DNAH17: variants seen among roughly 807,000 people sequenced by gnomAD.
DNAH17 encodes the protein dynein axonemal heavy chain 17.
DNAH17 carries 376 observed loss-of-function variants against 485.6 expected under a neutral mutation model. The observed-to-expected ratio is 0.77, with a 90% CI of 0.71 to 0.84. DNAH17 has a LOEUF of 0.84. Ranked by LOEUF, DNAH17 falls within the 40% of genes least tolerant of loss-of-function variation. The pLI is 0.00. For synonymous variants in DNAH17, 3,031 were observed against 2,405.9 expected (o/e 1.26, Z -7.60); for missense variants, 6,370 against 5,839.3 (o/e 1.09, Z -2.96).
chr17:78,570,494 G>T, intron 6 of DNAH17, 122 bp from the exon 7 acceptor site: 2 of 1,315,936 alleles, frequency 1.5e-6, no homozygotes, highest in Non-Finnish European at 2.0e-6. Flanking sequence ...CCAAAGAGGA[G>T]GGGAGAGGCA....
At chr17:78,476,069 A>C (rs1208006248) in intron 52 of DNAH17, among the ~76,000 whole-genome samples, 2 of 152,052 alleles carry the variant, frequency 1.3e-5, no homozygotes, top group East Asian at 3.9e-4. Context: ...TAGTCCAAAG[A>C]AATGATTCCA....
Position 78,486,305 on chromosome 17 carries a change from G to A in DNAH17, c.7020C>T (p.Pro2340=), listed in dbSNP as rs189895457. 51 of 1,612,638 alleles carry A rather than the reference G, an allele frequency of 3.2e-5. No individual in the cohort carries two copies. The highest frequency in any genetic ancestry group is 2.5e-4 in the African/African-American group (19 of 74,982). The change falls in exon 45 of 81, where the codon CCC becomes CCT. Residue 2340 remains proline (P), a synonymous_variant. Transcript: ENST00000389840. ...GCTCGTACAGCTCCCTGGGGGAGTCGGGGGGCACGGTCTTCTCCGTGAGCA... is the reference window on the plus strand; with the variant it reads ...GCTCGTACAGCTCCCTGGGGGAGTCAGGGGGCACGGTCTTCTCCGTGAGCA... The part of the protein sequence containing the change: ...ECLLTEKTVP[P]DSPRELYELY...
chr17:78,437,290 G>C (rs1052884344), intron 74 of DNAH17, among the ~76,000 whole-genome samples: 1 of 152,170 alleles, frequency 6.6e-6, no homozygotes, highest in Non-Finnish European at 1.5e-5. Context: ...ACCCCACGGA[G>C]CTTGGCCCCA....
intron 75 of DNAH17, among the ~76,000 whole-genome samples, chr17:78,431,150 A>G (rs562589601): frequency 2.0e-5 from 3 of 152,044 alleles, no homozygotes; most frequent in Non-Finnish European, 4.4e-5. Flanking sequence ...CAGTGCTGGG[A>G]TTACAGGCTT....
intron 26 of DNAH17, among the ~76,000 whole-genome samples, chr17:78,513,961 T>C (rs1322385021): frequency 6.6e-6 from 1 of 152,142 alleles, no homozygotes; most frequent in Non-Finnish European, 1.5e-5. Context: ...TGTTCAGTGT[T>C]GGCTGAGAGA....
chr17:78,534,655 G>A (rs2091325672), intron 19 of DNAH17, among the ~76,000 whole-genome samples: 1 of 152,178 alleles, frequency 6.6e-6, no homozygotes, highest in Admixed American at 6.5e-5. Context: ...AGCTGAGATT[G>A]TCCCCTGCAG....
At chr17:78,569,036 A>G (rs865915590) in intron 9 of DNAH17, 130 bp downstream of exon 9, 1 of 724,824 alleles carries the variant, frequency 1.4e-6, no homozygotes, top group Non-Finnish European at 2.3e-6. Flanking sequence ...CTCATAACAG[A>G]TATTTGGGCC....
chr17:78,485,223 G>A (rs1022065709), intron 47 of DNAH17, 190 bp from the exon 48 acceptor site: 4 of 715,260 alleles, frequency 5.6e-6, no homozygotes, highest in African/African-American at 5.4e-5. Context: ...AATAAACAGA[G>A]CGATCAGAGG....
chr17:78,507,199 A>G, intron 29 of DNAH17, 79 bp downstream of exon 29: 2 of 1,536,362 alleles, frequency 1.3e-6, no homozygotes, highest in South Asian at 2.3e-5. Flanking sequence ...AGGCTGCACA[A>G]GACTTAAGTT....
chr17:78,561,875 C>T lies in DNAH17; in HGVS notation c.1675G>A (p.Ala559Thr). The change falls in exon 12 of 81, where the codon GCT (alanine) becomes ACT (threonine). Residue 559 changes from alanine to threonine, a missense_variant. Transcript: ENST00000389840. ...ATCTGGGCATCGTACAAGATCTTAG[C>T]ATTGTCTAGCTCAGCGTCAAACAGC... ...LELFDAELDN[A>T]KILYDAQMAA... The T allele has an allele frequency of 6.2e-7, 1 of 1,613,980 alleles. No individual in the cohort carries two copies. Among genetic ancestry groups the T allele is most frequent in the Non-Finnish European group, 8.5e-7 (1 of 1,179,876 alleles).
chr17:78,460,420 GTGTA>G (rs1428081785), intron 58 of DNAH17, among the ~76,000 whole-genome samples, 163 bp from the exon 59 acceptor site: 16 of 152,056 alleles, frequency 1.1e-4, no homozygotes, highest in African/African-American at 3.9e-4. Context: ...GTGCATGTAT[GTGTA>G]TGTGCATCCA....
rs556878800 is a variant in DNAH17 at position 78,509,231 on chromosome 17, G to A, written c.4236+1153C>T. Among the ~76,000 whole-genome samples the A allele has an allele frequency of 8.0e-5, 12 of 149,578 alleles. 2 individuals carry two copies. The East Asian group carries it at 1.6e-3, about 20-fold the overall frequency. On this transcript the variant is annotated intron_variant, in intron 27 of 80. Transcript: ENST00000389840. ...CCACCCACCTTGGCCTCCCCAAAGCGTTGGGATTACAGGCGTGAGCCACCG... is the reference window on the plus strand; with the variant it reads ...CCACCCACCTTGGCCTCCCCAAAGCATTGGGATTACAGGCGTGAGCCACCG...
At chr17:78,510,757 C>CCCA in intron 26 of DNAH17, 1 of 431,252 alleles carries the variant, frequency 2.3e-6, no homozygotes, top group South Asian at 3.2e-5. Context: ...TGCGGCCCCC[C>CCCA]CGCAAAATTC....
At chr17:78,506,660 C>A in intron 30 of DNAH17, 60 bp downstream of exon 30, 1 of 1,609,428 alleles carries the variant, frequency 6.2e-7, no homozygotes, top group Non-Finnish European at 8.5e-7. Flanking sequence ...GGTAGAGGTG[C>A]CCACCTGGGG....
At chr17:78,542,551 T>C (rs2091624873) in intron 17 of DNAH17, among the ~76,000 whole-genome samples, 1 of 152,176 alleles carries the variant, frequency 6.6e-6, no homozygotes, top group African/African-American at 2.4e-5. Context: ...TGGGTGAAAT[T>C]ACTACCAAGT....
intron 14 of DNAH17, among the ~76,000 whole-genome samples, chr17:78,555,544 A>AAAAG (rs1491404442): frequency 9.6e-5 from 2 of 20,756 alleles, no homozygotes; most frequent in Non-Finnish European, 2.4e-4. Context: ...ATTCCGTCAC[A>AAAAG]AAAAAAAAAA....
chr17:78,493,952 G>C (rs928636877), intron 41 of DNAH17, 84 bp downstream of exon 41: 5 of 1,497,460 alleles, frequency 3.3e-6, no homozygotes, highest in Non-Finnish European at 4.5e-6. Flanking sequence ...CGGGGTGGCG[G>C]GGAGTGATGG....
At chr17:78,462,672 A>G (rs1278579556) in intron 57 of DNAH17, among the ~76,000 whole-genome samples, 172 bp downstream of exon 57, 2 of 152,206 alleles carry the variant, frequency 1.3e-5, no homozygotes, top group African/African-American at 2.4e-5. Flanking sequence ...CGACAAGTAT[A>G]CTAACTCTGG....
At chr17:78,541,853 T>G (rs1242974210) in intron 17 of DNAH17, among the ~76,000 whole-genome samples, 1 of 152,164 alleles carries the variant, frequency 6.6e-6, no homozygotes. Context: ...CTCTTCCAAG[T>G]AACATTTTTG....
Sources: gnomAD v4.1 joint callset for allele counts (sites outside exome capture counted in the v4.1 genomes callset) on GRCh38, gnomAD v4.1.1 for gene constraint, MANE v1.5 for transcripts, NCBI Gene and HGNC (gene_info 2026-07-23, HGNC 2026-07-21) for gene names.